Variants in STON2 observed in about 807,000 individuals in gnomAD.
STON2 encodes the protein stonin-2.
In STON2, 29 loss-of-function variants were observed where a neutral mutation model predicts 65.7. The ratio of observed to expected loss-of-function variants is 0.44; its 90% confidence interval spans 0.33 to 0.60. STON2 has a LOEUF of 0.60. STON2 is among the 20% of genes least tolerant of loss of function. The pLI is 0.03. For missense variants in STON2, 1,054 were observed against 1,118.1 expected (o/e 0.94, Z 0.82); for synonymous variants, 404 against 414.2 (o/e 0.98, Z 0.30).
intron 5 of STON2, among the ~76,000 whole-genome samples, chr14:81,283,923 A>G (rs528162074): frequency 6.6e-6 from 1 of 152,310 alleles, no homozygotes; most frequent in East Asian, 1.9e-4. Context: ...TCTCTGGGTC[A>G]CGTTTTGGTA....
intron 3 of STON2, among the ~76,000 whole-genome samples, chr14:81,372,550 C>CAA (rs202208931): frequency 6.2e-4 from 59 of 95,870 alleles, no homozygotes; most frequent in South Asian, 3.8e-3. Flanking sequence ...AACCCTATCT[C>CAA]AAAAAAAAAA....
At chr14:81,300,264 TTCTC>T (rs927284583) in intron 5 of STON2, among the ~76,000 whole-genome samples, 13 of 151,942 alleles carry the variant, frequency 8.6e-5, no homozygotes, top group African/African-American at 2.7e-4. Context: ...TTACCCTTCC[TTCTC>T]TCTCTCTGTC....
At chr14:81,399,111 T>C (rs1566943801) in intron 1 of STON2, among the ~76,000 whole-genome samples, 1 of 152,338 alleles carries the variant, frequency 6.6e-6, no homozygotes, top group Non-Finnish European at 1.5e-5. Flanking sequence ...ATCTTGTTCA[T>C]TTGGAGTAAG....
chr14:81,401,657 T>C (rs1431001973), upstream of STON2, among the ~76,000 whole-genome samples: 1 of 152,222 alleles, frequency 6.6e-6, no homozygotes, highest in African/African-American at 2.4e-5. Context: ...TCACCACAAA[T>C]GAGTGGTGAC....
At chr14:81,269,599 C>T (rs575864208) in intron 7 of STON2, 1 of 985,254 alleles carries the variant, frequency 1.0e-6, no homozygotes, top group South Asian at 4.7e-5. Flanking sequence ...CTATTTTTTT[C>T]CTAGCCACAA....
upstream of STON2, among the ~76,000 whole-genome samples, chr14:81,400,960 G>A (rs1900583308): frequency 6.6e-6 from 1 of 152,194 alleles, no homozygotes; most frequent in Non-Finnish European, 1.5e-5. Flanking sequence ...CTGTAACGAT[G>A]ACAATGAAAA....
Position 81,395,964 on chromosome 14 carries a change from G to A in STON2, c.303C>T (p.Asn101=). 6.2e-7 allele frequency: 1 copy of A among 1,614,182 alleles called. No homozygotes were observed. Among genetic ancestry groups the A allele is most frequent in the African/African-American group, 1.3e-5 (1 of 75,036 alleles). ...GTGTGTCATCTTCAAACTGAACCCA[G>A]TTGCTGATGGCCGAGGCCAGGTCAG... ...PPPDLASAIS[N]WVQFEDDTPW... is the part of the protein sequence containing the mutation. The change falls in exon 3 of 8, where the codon AAC becomes AAT. Residue 101 remains asparagine (N), a synonymous_variant. Transcript: ENST00000614646.
intron 5 of STON2, among the ~76,000 whole-genome samples, chr14:81,284,784 G>A (rs527880262): frequency 6.6e-6 from 1 of 152,326 alleles, no homozygotes; most frequent in Admixed American, 6.5e-5. Context: ...AGGACAGGCT[G>A]ACTCTCTTGC....
chr14:81,403,719 T>C (rs1348066935), upstream of STON2, among the ~76,000 whole-genome samples: 1 of 152,212 alleles, frequency 6.6e-6, no homozygotes, highest in African/African-American at 2.4e-5. Flanking sequence ...GAGAGTCATC[T>C]GGCAATCCAA....
intron 5 of STON2, among the ~76,000 whole-genome samples, chr14:81,314,070 G>A (rs1896535349): frequency 6.6e-6 from 1 of 152,220 alleles, no homozygotes; most frequent in African/African-American, 2.4e-5. Flanking sequence ...CTTCAGTGAA[G>A]CAAAGCCTGT....
At chr14:81,348,762 C>T (rs371515849) in intron 4 of STON2, among the ~76,000 whole-genome samples, 6 of 152,016 alleles carry the variant, frequency 3.9e-5, no homozygotes, top group African/African-American at 1.2e-4. Flanking sequence ...AAAATTCATA[C>T]GAATCCACAA....
intron 1 of STON2, among the ~76,000 whole-genome samples, chr14:81,434,201 C>T (rs931045177): frequency 2.0e-5 from 3 of 152,226 alleles, no homozygotes; most frequent in Non-Finnish European, 4.4e-5. Flanking sequence ...TTCAACAACT[C>T]ATTTTATAAA....
chr14:81,297,188 C>T (rs959695904), intron 5 of STON2, among the ~76,000 whole-genome samples: 3 of 152,178 alleles, frequency 2.0e-5, no homozygotes, highest in African/African-American at 7.2e-5. Flanking sequence ...GCCTGGCTGA[C>T]CCTCACCAAC....
intron 3 of STON2, among the ~76,000 whole-genome samples, chr14:81,381,917 A>G (rs906789788): frequency 1.3e-5 from 2 of 152,182 alleles, no homozygotes; most frequent in African/African-American, 4.8e-5. Flanking sequence ...GTGCATTATC[A>G]TCTTAGAAAC....
At position 81,261,619 on chromosome 14, in the gene STON2, C is replaced by G; in HGVS notation, c.*6795G>C. The stretch of plus-strand genomic sequence containing the variant: ...TAGTCCCAGGATGTTTACTGAGTGT[C>G]CTCCTTCAATTTTCACAATATTTTA... On this transcript the variant is annotated 3_prime_UTR_variant, in exon 8 of 8. Coordinates refer to ENST00000614646, the MANE Select transcript of STON2 (RefSeq NM_001394390.1). 8 of 642,774 alleles carry G rather than the reference C, an allele frequency of 1.2e-5. No homozygotes were observed. Among genetic ancestry groups the G allele is most frequent in the Non-Finnish European group, 1.3e-5 (6 of 445,262 alleles). The allele number at this position is 642,774 out of a possible 1,614,324, so 39.8% of individuals were successfully genotyped here.
Position 81,386,809 on chromosome 14 carries a change from A to G in STON2, c.373+9085T>C, listed in dbSNP as rs144163543. Among the ~76,000 whole-genome samples the G allele has an allele frequency of 1.4e-4, 21 of 152,220 alleles. No homozygotes were observed. In the East Asian group the frequency reaches 4.1e-3, roughly 29 times the overall value. ...TTTTTTTTCTTTTTAAATTTTAAGG[A>G]TGAACTTTGCTCTTTTAGTCCATTT... On this transcript the variant is annotated intron_variant, in intron 3 of 7. Transcript: ENST00000614646.
intron 5 of STON2, among the ~76,000 whole-genome samples, chr14:81,308,243 T>C (rs1896260400): frequency 6.6e-6 from 1 of 152,194 alleles, no homozygotes; most frequent in Non-Finnish European, 1.5e-5. Context: ...TTTTGCTCTG[T>C]CACCCAGGCT....
rs186648170 is a variant in STON2 at position 81,420,360 on chromosome 14, G to A, written c.-199+6742C>T. ...TCTAATAGGTCTTATTGGACTCTGG[G>A]TTATTTATGCTCATGGAGCATCTGC... On this transcript the variant is annotated intron_variant, in intron 2 of 8. Coordinates refer to the STON2 transcript ENST00000553821. 2.9e-4 allele frequency among the ~76,000 whole-genome samples: 44 copies of A among 152,332 alleles called. No individual in the cohort carries two copies. In the East Asian group the frequency reaches 7.5e-3, roughly 26 times the overall value.
chr14:81,338,950 C>T (rs748621513), intron 4 of STON2, among the ~76,000 whole-genome samples: 1 of 152,208 alleles, frequency 6.6e-6, no homozygotes, highest in Middle Eastern at 3.4e-3. Context: ...CATTTGGTTC[C>T]ACAGCAAAGA....
Sources: gnomAD v4.1 joint callset for allele counts (sites outside exome capture counted in the v4.1 genomes callset) on GRCh38, gnomAD v4.1.1 for gene constraint, MANE v1.5 for transcripts, NCBI Gene and HGNC (gene_info 2026-07-23, HGNC 2026-07-21) for gene names.